Variants in PRKCE observed in about 807,000 individuals in gnomAD.
PRKCE encodes protein kinase C epsilon.
A neutral mutation model predicts 85.4 loss-of-function variants in PRKCE; 16 were observed. That is an observed-to-expected ratio of 0.19 (90% CI 0.13 to 0.28). The LOEUF is 0.28. PRKCE is among the 10% of genes least tolerant of loss of function. The pLI, the probability that PRKCE is intolerant of heterozygous loss-of-function variation, is 1.00. For synonymous variants in PRKCE, 388 were observed against 371.5 expected (o/e 1.04, Z -0.51); for missense variants, 573 against 975.2 (o/e 0.59, Z 5.49).
chr2:45,974,975 C>G (rs771362871), intron 2 of PRKCE, among the ~76,000 whole-genome samples: 27 of 152,152 alleles, frequency 1.8e-4, no homozygotes, highest in Non-Finnish European at 3.1e-4. Flanking sequence ...GTGATGAAAG[C>G]CACTCAGATG....
chr2:45,759,904 C>A (rs1443406419), intron 1 of PRKCE, among the ~76,000 whole-genome samples: 1 of 152,154 alleles, frequency 6.6e-6, no homozygotes, highest in African/African-American at 2.4e-5. Context: ...CTATGCTATT[C>A]TTTGAGTTTC....
intron 10 of PRKCE, among the ~76,000 whole-genome samples, chr2:46,052,864 A>G (rs1196049009): frequency 6.6e-6 from 1 of 152,240 alleles, no homozygotes; most frequent in East Asian, 1.9e-4. Flanking sequence ...TTTATCATCA[A>G]TTGATTTCCA....
intron 1 of PRKCE, among the ~76,000 whole-genome samples, chr2:45,662,289 G>C (rs564783055): frequency 6.6e-6 from 1 of 152,290 alleles, no homozygotes; most frequent in South Asian, 2.1e-4. Context: ...CTCTCAGAGA[G>C]CATACACTCT....
At chr2:45,776,804 A>G (rs914733045) in intron 1 of PRKCE, among the ~76,000 whole-genome samples, 1 of 152,178 alleles carries the variant, frequency 6.6e-6, no homozygotes, top group Non-Finnish European at 1.5e-5. Context: ...GCCTTTTGTC[A>G]TGTATGCCTC....
chr2:45,985,959 A>G (rs1475616764), intron 6 of PRKCE, among the ~76,000 whole-genome samples: 3 of 152,250 alleles, frequency 2.0e-5, no homozygotes, highest in Non-Finnish European at 4.4e-5. Flanking sequence ...TATAAAGTCA[A>G]TGTCATTCTC....
chr2:45,707,974 A>G (rs918904991), intron 1 of PRKCE, among the ~76,000 whole-genome samples: 1 of 152,130 alleles, frequency 6.6e-6, no homozygotes, highest in Non-Finnish European at 1.5e-5. Context: ...CATTCCTGCT[A>G]CTTCTCATAA....
At chr2:45,850,120 T>C (rs1452676072) in intron 2 of PRKCE, among the ~76,000 whole-genome samples, 2 of 152,214 alleles carry the variant, frequency 1.3e-5, no homozygotes, top group Non-Finnish European at 2.9e-5. Context: ...ATGCCAACCA[T>C]TAGCAGATGA....
intron 1 of PRKCE, among the ~76,000 whole-genome samples, chr2:45,709,714 G>A (rs1039523143): frequency 2.6e-5 from 4 of 152,124 alleles, no homozygotes; most frequent in African/African-American, 4.8e-5. Flanking sequence ...TGAATAAAAT[G>A]GAAGGCATCT....
chr2:45,765,723 A>C (rs776824055), intron 1 of PRKCE, among the ~76,000 whole-genome samples: 1 of 152,190 alleles, frequency 6.6e-6, no homozygotes, highest in Admixed American at 6.5e-5. Context: ...CCCACGTCCT[A>C]AGCCCAAAGA....
chr2:46,136,474 G>A (rs1165531457), intron 11 of PRKCE, among the ~76,000 whole-genome samples: 2 of 152,192 alleles, frequency 1.3e-5, no homozygotes, highest in East Asian at 3.9e-4. Flanking sequence ...TGAGGTGCAG[G>A]GTAAAGAAAA....
chr2:45,806,388 T>C (rs1008980561), intron 1 of PRKCE, among the ~76,000 whole-genome samples: 1 of 152,224 alleles, frequency 6.6e-6, no homozygotes, highest in African/African-American at 2.4e-5. Flanking sequence ...GATTCATTTA[T>C]TCATTTGTTT....
At chr2:45,764,382 T>C (rs1045617570) in intron 1 of PRKCE, among the ~76,000 whole-genome samples, 8 of 152,224 alleles carry the variant, frequency 5.3e-5, no homozygotes, top group African/African-American at 1.9e-4. Context: ...AAAGAAATGG[T>C]TATGGCTAGT....
At chr2:46,104,500 G>A (rs569110495) in intron 11 of PRKCE, among the ~76,000 whole-genome samples, 2 of 152,116 alleles carry the variant, frequency 1.3e-5, no homozygotes, top group South Asian at 4.2e-4. Context: ...CTTTCATGAT[G>A]CTCTCTCTGT....
intron 10 of PRKCE, among the ~76,000 whole-genome samples, chr2:46,052,310 C>G (rs757359536): frequency 2.0e-5 from 3 of 152,092 alleles, no homozygotes; most frequent in Non-Finnish European, 4.4e-5. Flanking sequence ...CCACAGGAGA[C>G]AAGATCAATA....
chr2:45,739,805 C>T (rs964023439), intron 1 of PRKCE, among the ~76,000 whole-genome samples: 1 of 152,020 alleles, frequency 6.6e-6, no homozygotes, highest in African/African-American at 2.4e-5. Context: ...TCAAAATCCA[C>T]AGAACTCTAC....
intron 10 of PRKCE, among the ~76,000 whole-genome samples, chr2:46,045,151 G>T (rs533091416): frequency 1.8e-4 from 28 of 152,190 alleles, no homozygotes; most frequent in African/African-American, 6.7e-4. Flanking sequence ...ACAACCTAGG[G>T]TATACCACAT....
At chr2:45,818,805 A>C (rs1004834345) in intron 1 of PRKCE, among the ~76,000 whole-genome samples, 1 of 152,210 alleles carries the variant, frequency 6.6e-6, no homozygotes, top group Non-Finnish European at 1.5e-5. Context: ...GCTGTTTCCA[A>C]AACATGGATA....
At chr2:45,880,954 C>T (rs1453732553) in intron 2 of PRKCE, among the ~76,000 whole-genome samples, 3 of 151,966 alleles carry the variant, frequency 2.0e-5, no homozygotes, top group Non-Finnish European at 2.9e-5. Context: ...GAGATCGAGA[C>T]CATCCGGGCT....
intron 11 of PRKCE, among the ~76,000 whole-genome samples, chr2:46,121,450 G>A (rs1673306461): frequency 1.3e-5 from 2 of 152,206 alleles, no homozygotes; most frequent in African/African-American, 2.4e-5. Flanking sequence ...ACACCAAGGT[G>A]CCTGGCACAG....
Sources: allele counts gnomAD v4.1 joint callset (sites outside exome capture counted in the v4.1 genomes callset), GRCh38; gene constraint gnomAD v4.1.1; transcripts MANE v1.5; gene names NCBI Gene and HGNC (gene_info 2026-07-23, HGNC 2026-07-21).